Variants in ALDH5A1 observed in about 807,000 individuals in gnomAD.
ALDH5A1 encodes succinate-semialdehyde dehydrogenase, mitochondrial.
Under a neutral mutation model 54.7 loss-of-function variants are expected in ALDH5A1, and 33 were observed. The observed-to-expected ratio is 0.60, with a 90% CI of 0.46 to 0.81. The LOEUF (loss-of-function observed/expected upper bound fraction) is 0.81, where lower values mean the gene tolerates loss of function less well. ALDH5A1 is among the 30% of genes least tolerant of loss of function. The probability of loss-of-function intolerance (pLI) is 0.00; values close to 1 mark genes in which losing one functional copy is unlikely to be tolerated. For synonymous variants in ALDH5A1, 294 were observed against 292.7 expected, an observed-to-expected ratio of 1.00 and a Z score of -0.05; for missense variants, 657 against 711.0, an observed-to-expected ratio of 0.92 and a Z score of 0.86.
rs67848159 is a variant in ALDH5A1 at position 24,522,501 on chromosome 6, G to A, written c.1015-266G>A. 3.9e-3 allele frequency: 1,396 copies of A among 362,344 alleles called. 12 individuals carry two copies. Among genetic ancestry groups the A allele is most frequent in the South Asian group, 0.014 (544 of 38,160 alleles). 22.4% of individuals were successfully genotyped at this position (362,344 alleles called of 1,614,324 possible). ...TTCGTGTGTGTGTGTGTGTGTGTGT[G>A]TGTACAGGTGCTTATTGCCAACTAA... On this transcript the variant is annotated intron_variant, in intron 6 of 9. Transcript: ENST00000357578.
intron 4 of ALDH5A1, chr6:24,511,732 C>CTTTT: frequency 2.9e-6 from 1 of 350,450 alleles, no homozygotes; most frequent in Non-Finnish European, 5.0e-6. Flanking sequence ...TTTCTTGTAT[C>CTTTT]TTTTTTTTTT....
At chr6:24,503,141 C>G in intron 2 of ALDH5A1, 122 bp from the exon 3 acceptor site, 1 of 1,242,266 alleles carries the variant, frequency 8.0e-7, no homozygotes, top group South Asian at 1.3e-5. Context: ...ATTTTCCCCA[C>G]TCTATGGGTA....
In ALDH5A1 at chr6:24,495,002, G is replaced by A; in HGVS notation, c.6G>A (p.Ala2=). The part of the protein sequence containing the change: M[A]TCIWLRSCGA... The stretch of plus-strand genomic sequence containing the variant: ...TCGCCGTCGTTGCCCGGGCCATGGC[G>A]ACCTGCATTTGGCTGCGGAGCTGTG... The change falls in exon 1 of 10, where the codon GCG becomes GCA. Residue 2 remains alanine, a synonymous_variant. Coordinates refer to ENST00000357578, the MANE Select transcript of ALDH5A1 (RefSeq NM_001080.3). The A allele has an allele frequency of 2.3e-6, 3 of 1,319,692 alleles. No homozygotes were observed. Among genetic ancestry groups the A allele is most frequent in the South Asian group, 2.6e-5 (1 of 39,096 alleles). The allele number at this position is 1,319,692 out of a possible 1,614,324, so 81.7% of individuals were successfully genotyped here.
chr6:24,501,912 TGG>T (rs200053008), intron 1 of ALDH5A1, among the ~76,000 whole-genome samples: 120 of 147,130 alleles, frequency 8.2e-4, no homozygotes, highest in African/African-American at 2.4e-3. Context: ...TGTGTGTGTG[TGG>T]GTGTATATAT....
chr6:24,504,903 T>C lies in ALDH5A1; in HGVS notation c.644T>C (p.Val215Ala), dbSNP rs1489397465. 4 of 1,614,148 alleles carry C rather than the reference T, an allele frequency of 2.5e-6. No individual in the cohort carries two copies. Among genetic ancestry groups the C allele is most frequent in the Non-Finnish European group, 3.4e-6 (4 of 1,180,024 alleles). Residue 215 changes from valine to alanine, a missense_variant, in exon 4 of 10, where the codon GTG becomes GCG. Val to Ala is a moderately conservative substitution (Grantham distance 64). This residue lies in a region of ALDH5A1 where 425 missense variants were observed against 516.4 expected (regional missense o/e 0.82). Coordinates refer to ENST00000357578, the MANE Select transcript of ALDH5A1 (RefSeq NM_001080.3). The part of the protein sequence containing the change: ...NFPSAMITRK[V>A]GAALAAGCTV... Reference sequence around the variant, plus strand: ...CCCAGTGCCATGATCACCCGGAAGGTGGGGGCCGCCCTGGCAGCCGGCTGT... The same window carrying C: ...CCCAGTGCCATGATCACCCGGAAGGCGGGGGCCGCCCTGGCAGCCGGCTGT...
At chr6:24,529,680 T>G (rs1337032777) in intron 8 of ALDH5A1, among the ~76,000 whole-genome samples, 1 of 140,956 alleles carries the variant, frequency 7.1e-6, no homozygotes, top group East Asian at 2.0e-4. Context: ...GTTTTTTTTT[T>G]TTTTTTTTTT....
At chr6:24,530,759 G>A (rs1177903726) in intron 8 of ALDH5A1, among the ~76,000 whole-genome samples, 3 of 152,234 alleles carry the variant, frequency 2.0e-5, no homozygotes, top group Non-Finnish European at 4.4e-5. Context: ...CATGGCTGGT[G>A]TACCTGCTGG....
At position 24,503,325 on chromosome 6, in the gene ALDH5A1, C is replaced by A. The variant is rs1263360463; in HGVS notation, c.501C>A (p.Phe167Leu). The change falls in exon 3 of 10, where the codon TTC becomes TTA. Residue 167 changes from phenylalanine (F) to leucine (L), a missense_variant. Coordinates refer to ENST00000357578, the MANE Select transcript of ALDH5A1 (RefSeq NM_001080.3). ...ATTCCGCCTTTTTCCTAGAGTGGTTCTCTGAGGAAGCCCGCCGTGTTTACG... is the reference window on the plus strand; with the variant it reads ...ATTCCGCCTTTTTCCTAGAGTGGTTATCTGAGGAAGCCCGCCGTGTTTACG... ...ILYSAFFLEWFSEEARRVYGD... is the reference protein window; with the variant it reads ...ILYSAFFLEWLSEEARRVYGD... 2 of 1,614,004 alleles carry A rather than the reference C, an allele frequency of 1.2e-6. No individual in the cohort carries two copies. The highest frequency in any genetic ancestry group is 2.7e-5 in the African/African-American group (2 of 74,932).
intron 1 of ALDH5A1, among the ~76,000 whole-genome samples, chr6:24,499,969 A>G (rs930516643): frequency 7.4e-6 from 1 of 135,506 alleles, no homozygotes; most frequent in African/African-American, 2.8e-5. Context: ...CCACACTCAG[A>G]TAATTTCTGT....
intron 5 of ALDH5A1, among the ~76,000 whole-genome samples, chr6:24,517,884 A>ATGCC (rs1457403998): frequency 2.6e-5 from 4 of 152,232 alleles, no homozygotes; most frequent in Admixed American, 1.3e-4. Context: ...TGTTCTAGGC[A>ATGCC]TGCCTGCCCT....
intron 1 of ALDH5A1, among the ~76,000 whole-genome samples, chr6:24,501,571 G>GA (rs1302497895): frequency 6.7e-6 from 1 of 149,750 alleles, no homozygotes; most frequent in Non-Finnish European, 1.5e-5. Context: ...AGCTGAGCGT[G>GA]ATGATGTGTG....
rs548811865 is a variant in ALDH5A1 at position 24,524,974 on chromosome 6, A to G, written c.1173+2049A>G. Among the ~76,000 whole-genome samples, 45 of 152,270 alleles carry G rather than the reference A, an allele frequency of 3.0e-4. 1 individual carries two copies. The South Asian group carries it at 3.5e-3, about 12-fold the overall frequency. On this transcript the variant is annotated intron_variant, in intron 7 of 9. Transcript: ENST00000357578. ...TCTGTCTTGAAGATTTTTTTCCCCA[A>G]AGGGAAGACGCAGACATTGTCCTCC...
Position 24,528,114 on chromosome 6 carries a change from G to A in ALDH5A1, c.1291G>A (p.Asp431Asn), listed in dbSNP as rs1561879312. The change falls in exon 8 of 10, where the codon GAC (aspartate) becomes AAC (asparagine). Residue 431 changes from aspartate (D) to asparagine (N), a missense_variant. Around this residue, in one of 2 missense-constraint regions of ALDH5A1, gnomAD observed 425 missense variants for 516.4 expected, o/e 0.82. Coordinates refer to ENST00000357578, the MANE Select transcript of ALDH5A1 (RefSeq NM_001080.3). ...TACCCTGCTGTGCAATGTCACCCAG[G>A]ACATGCTGTGCACTCATGAAGAGAC... The part of the protein sequence containing the change: ...EPTLLCNVTQ[D>N]MLCTHEETFG... 1 of 1,613,940 alleles carries A rather than the reference G, an allele frequency of 6.2e-7. No homozygotes were observed. Among genetic ancestry groups the A allele is most frequent in the Non-Finnish European group, 8.5e-7 (1 of 1,179,986 alleles).
Position 24,495,311 on chromosome 6 carries a change from C to G in ALDH5A1, c.315C>G (p.Ala105=). 2 of 1,533,246 alleles carry G rather than the reference C, an allele frequency of 1.3e-6. No individual in the cohort carries two copies. Among genetic ancestry groups the G allele is most frequent in the Non-Finnish European group, 1.7e-6 (2 of 1,146,468 alleles). The allele number at this position is 1,533,246 out of a possible 1,614,324, so 95.0% of individuals were successfully genotyped here. The change falls in exon 1 of 10, where the codon GCC becomes GCG. Residue 105 remains alanine, a synonymous_variant. Transcript: ENST00000357578. ...VREARAAVRA[A]YEAFCRWREV... ...AGGCCCGCGCCGCCGTGCGCGCTGC[C>G]TACGAGGCTTTCTGCCGCTGGAGGG... is the stretch of plus-strand genomic sequence containing the variant.
Position 24,509,768 on chromosome 6 carries a change from T to G in ALDH5A1, c.726+4783T>G, listed in dbSNP as rs553450976. On this transcript the variant is annotated intron_variant, in intron 4 of 9. Coordinates refer to ENST00000357578, the MANE Select transcript of ALDH5A1 (RefSeq NM_001080.3). The surrounding 1 kb of genome is among the most constrained non-coding windows in gnomAD (Gnocchi z 4.7). ...TCAAAGAACCAGCTTTTTGTATCAT[T>G]TATATTTTGTATTTTTGTTTATTTC... is the stretch of plus-strand genomic sequence containing the variant. Among the ~76,000 whole-genome samples the G allele has an allele frequency of 2.6e-5, 4 of 152,326 alleles. No homozygotes were observed. The highest frequency in any genetic ancestry group is 9.6e-5 in the African/African-American group (4 of 41,580).
At position 24,509,517 on chromosome 6, in the gene ALDH5A1, C is replaced by T. The variant is rs181704438; in HGVS notation, c.726+4532C>T. Among the ~76,000 whole-genome samples the T allele has an allele frequency of 6.3e-4, 96 of 152,114 alleles. No individual in the cohort carries two copies. Among genetic ancestry groups the T allele is most frequent in the African/African-American group, 2.1e-3 (87 of 41,504 alleles). ...TATTTTACTACCATTTCAGTCTGTT[C>T]GGGATATCTCGTTCTTCCTGATTTA... On this transcript the variant is annotated intron_variant, in intron 4 of 9. Coordinates refer to ENST00000357578, the MANE Select transcript of ALDH5A1 (RefSeq NM_001080.3). The surrounding 1 kb of genome is among the most constrained non-coding windows in gnomAD (Gnocchi z 4.7).
chr6:24,520,587 ATGTG>A (rs1292333435), intron 6 of ALDH5A1, 43 bp downstream of exon 6: 1 of 1,609,460 alleles, frequency 6.2e-7, no homozygotes, highest in East Asian at 2.2e-5. Flanking sequence ...TTGCGTGTGC[ATGTG>A]TGAGTGTGTG....
Position 24,535,017 on chromosome 6 carries a change from A to C in ALDH5A1, c.*1305A>C, listed in dbSNP as rs1760018088. ...GCCGCTATGACCGGCGTTGCCTCTC[A>C]CTTTGAAAGAAAGACTCCGTAATCT... is the stretch of plus-strand genomic sequence containing the variant. On this transcript the variant is annotated 3_prime_UTR_variant, in exon 10 of 10. Coordinates refer to ENST00000357578, the MANE Select transcript of ALDH5A1 (RefSeq NM_001080.3). The C allele has an allele frequency of 6.6e-6, 1 of 152,212 alleles. No individual in the cohort carries two copies. Among genetic ancestry groups the C allele is most frequent in the South Asian group, 2.1e-4 (1 of 4,830 alleles). The allele number at this position is 152,212 out of a possible 1,614,324, so 9.4% of individuals were successfully genotyped here. A position where few individuals can be genotyped will look rare whatever the true frequency, so the allele number is the denominator to read the frequency against.
At position 24,520,450 on chromosome 6, in the gene ALDH5A1, T is replaced by C; in HGVS notation, c.920T>C (p.Leu307Pro). ...ANSVKRVSME[L>P]GGLAPFIVFD... ...TCTGTGAAAAGGGTCTCTATGGAGC[T>C]GGGCGGCCTTGCTCCATTTATAGTA... The change falls in exon 6 of 10, where the codon CTG (leucine) becomes CCG (proline). Residue 307 changes from leucine to proline, a missense_variant. Transcript: ENST00000357578. The C allele has an allele frequency of 6.2e-7, 1 of 1,614,220 alleles. No individual in the cohort carries two copies. Among genetic ancestry groups the C allele is most frequent in the Non-Finnish European group, 8.5e-7 (1 of 1,180,026 alleles).
Sources: allele counts gnomAD v4.1 joint callset (sites outside exome capture counted in the v4.1 genomes callset), GRCh38; gene constraint gnomAD v4.1.1; regional missense constraint gnomAD v4.1.1; non-coding constraint Gnocchi (gnomAD v3.1); transcripts MANE v1.5; gene names NCBI Gene and HGNC (gene_info 2026-07-23, HGNC 2026-07-21).